The following NCALD variants were observed in gnomAD, a reference collection of about 807,000 sequenced individuals.
NCALD encodes neurocalcin-delta.
In NCALD, 10 loss-of-function variants were observed where a neutral mutation model predicts 18.6. The observed-to-expected ratio is 0.54, with a 90% confidence interval of 0.33 to 0.91. The LOEUF (loss-of-function observed/expected upper bound fraction) is 0.91, where lower values mean the gene tolerates loss of function less well. Ranked by LOEUF, NCALD falls within the 40% of genes least tolerant of loss-of-function variation. The pLI is 0.03. For synonymous variants in NCALD, 88 were observed against 87.4 expected, an observed-to-expected ratio of 1.01 and a Z score of -0.04; for missense variants, 184 against 247.6, an observed-to-expected ratio of 0.74 and a Z score of 1.72.
At position 102,005,064 on chromosome 8, in the gene NCALD, C is replaced by A. The variant is rs570865357; in HGVS notation, c.-157+15173G>T. On this transcript the variant is annotated intron_variant, in intron 2 of 6. Coordinates refer to the NCALD transcript ENST00000311028. Reference sequence around the variant, plus strand: ...TGAAACTAAAGAGCTTCTGCACAGCCAAAGAAATTACCATCAGAGTGAACA... The same window carrying A: ...TGAAACTAAAGAGCTTCTGCACAGCAAAAGAAATTACCATCAGAGTGAACA... 5.2e-3 allele frequency among the ~76,000 whole-genome samples: 785 copies of A among 152,094 alleles called. 11 individuals carry two copies. The highest frequency in any genetic ancestry group is 0.017 in the African/African-American group (718 of 41,482).
At chr8:102,081,930 G>A (rs986115961) in intron 1 of NCALD, among the ~76,000 whole-genome samples, 1 of 152,148 alleles carries the variant, frequency 6.6e-6, no homozygotes, top group Non-Finnish European at 1.5e-5. Flanking sequence ...TGGTGCATTA[G>A]AGTGGCCCCA....
At chr8:102,124,357 G>C (rs1826046301), upstream of NCALD, 1 of 151,580 alleles carries the variant, frequency 6.6e-6, no homozygotes, top group Non-Finnish European at 1.5e-5. Flanking sequence ...CCCCTCCCCA[G>C]CCTGGCTCGC....
In NCALD at chr8:101,999,971, G is replaced by A. The variant is rs181408221; in HGVS notation, c.-157+20266C>T. 9.6e-4 allele frequency among the ~76,000 whole-genome samples: 146 copies of A among 152,264 alleles called. 1 individual carries two copies. Among genetic ancestry groups the A allele is most frequent in the Non-Finnish European group, 1.5e-3 (100 of 68,024 alleles). On this transcript the variant is annotated intron_variant, in intron 2 of 6. Transcript: ENST00000311028. ...TCCCTGCATGAGCGACGCAGAAGAC[G>A]AACGATTTCTGCAGTTCCAACTGAG... is the stretch of plus-strand genomic sequence containing the variant.
At chr8:101,697,788 T>C (rs1815070412) in intron 2 of NCALD, among the ~76,000 whole-genome samples, 2 of 152,140 alleles carry the variant, frequency 1.3e-5, no homozygotes, top group Admixed American at 1.3e-4. Flanking sequence ...ATGGAACATA[T>C]CTTAAAATAA....
At chr8:101,794,399 C>G (rs751325385), upstream of NCALD, among the ~76,000 whole-genome samples, 86 of 152,084 alleles carry the variant, frequency 5.7e-4, no homozygotes, top group Non-Finnish European at 1.0e-3. Context: ...GAGAGCCTCT[C>G]TCCAACCCCC....
chr8:101,897,551 A>T (rs572072625), intron 3 of NCALD, among the ~76,000 whole-genome samples: 2 of 152,188 alleles, frequency 1.3e-5, no homozygotes, highest in East Asian at 3.9e-4. Context: ...TTGCTTAACC[A>T]CTCACCTATT....
intron 1 of NCALD, among the ~76,000 whole-genome samples, chr8:101,743,358 A>C (rs764392794): frequency 1.4e-4 from 22 of 152,208 alleles, no homozygotes; most frequent in Non-Finnish European, 2.9e-4. Flanking sequence ...TTTATACAAA[A>C]GTTGTGATAT....
intron 2 of NCALD, among the ~76,000 whole-genome samples, chr8:102,017,086 T>A (rs1822108269): frequency 6.6e-6 from 1 of 152,052 alleles, no homozygotes; most frequent in Admixed American, 6.6e-5. Context: ...AGAGAAAGAA[T>A]TTTTTTAACA....
chr8:101,693,054 T>A, intron 2 of NCALD, 158 bp from the exon 3 acceptor site: 1 of 545,028 alleles, frequency 1.8e-6, no homozygotes, highest in Non-Finnish European at 3.3e-6. Flanking sequence ...GAGGCACAGG[T>A]AGAAGAAGCC....
At chr8:101,871,620 A>G (rs537594188) in intron 4 of NCALD, among the ~76,000 whole-genome samples, 27 of 150,136 alleles carry the variant, frequency 1.8e-4, no homozygotes, top group African/African-American at 6.2e-4. Context: ...GCTGGTTTTA[A>G]TTTTTTTAGA....
At chr8:102,001,288 C>G (rs533175716) in intron 2 of NCALD, among the ~76,000 whole-genome samples, 12 of 151,946 alleles carry the variant, frequency 7.9e-5, no homozygotes, top group African/African-American at 1.7e-4. Flanking sequence ...GATGGAAGAT[C>G]AAATGAATGA....
intron 2 of NCALD, among the ~76,000 whole-genome samples, chr8:102,004,244 G>C (rs1041312728): frequency 2.6e-5 from 4 of 152,204 alleles, no homozygotes; most frequent in South Asian, 2.1e-4. Context: ...AACAGACAAA[G>C]AGAGAGCCAA....
In NCALD at chr8:101,687,465, T is replaced by C. The variant is rs1046425856; in HGVS notation, c.*1844A>G. The C allele has an allele frequency of 6.6e-6, 1 of 152,638 alleles. No homozygotes were observed. Among genetic ancestry groups the C allele is most frequent in the Non-Finnish European group, 1.5e-5 (1 of 68,040 alleles). 9.5% of individuals were successfully genotyped at this position (152,638 alleles called of 1,614,324 possible). A position where few individuals can be genotyped will look rare whatever the true frequency, so the allele number is the denominator to read the frequency against. On this transcript the variant is annotated 3_prime_UTR_variant, in exon 4 of 4. Coordinates refer to ENST00000220931, the MANE Select transcript of NCALD (RefSeq NM_032041.3). ...ACCCCTGGAGGAAGACTAGGATTATTTTTACAGAGTCTAGGTCTCAAAATT... is the reference window on the plus strand; with the variant it reads ...ACCCCTGGAGGAAGACTAGGATTATCTTTACAGAGTCTAGGTCTCAAAATT...
At chr8:102,002,575 T>C (rs1563529719) in intron 2 of NCALD, among the ~76,000 whole-genome samples, 1 of 152,138 alleles carries the variant, frequency 6.6e-6, no homozygotes, top group Non-Finnish European at 1.5e-5. Flanking sequence ...AGAATATACA[T>C]TTTTTTCAGC....
intron 2 of NCALD, among the ~76,000 whole-genome samples, chr8:101,968,981 G>A (rs1375096000): frequency 6.6e-6 from 1 of 152,164 alleles, no homozygotes; most frequent in Admixed American, 6.5e-5. Flanking sequence ...TGAATGAATT[G>A]TGATTGGATT....
chr8:102,042,199 G>A (rs1032550334), intron 1 of NCALD, among the ~76,000 whole-genome samples: 17 of 151,962 alleles, frequency 1.1e-4, no homozygotes, highest in Admixed American at 6.5e-4. Flanking sequence ...GAATTTCAAA[G>A]TTAATGAACA....
At chr8:101,918,932 C>T (rs749994744) in intron 2 of NCALD, among the ~76,000 whole-genome samples, 6 of 152,094 alleles carry the variant, frequency 3.9e-5, no homozygotes, top group Non-Finnish European at 7.4e-5. Flanking sequence ...CCATATTACC[C>T]GAAGCAATCT....
chr8:101,846,906 C>T (rs913523490), intron 4 of NCALD, among the ~76,000 whole-genome samples: 1 of 152,170 alleles, frequency 6.6e-6, no homozygotes, highest in Non-Finnish European at 1.5e-5. Context: ...GTGGACATTT[C>T]CCATTCCAGC....
intron 2 of NCALD, among the ~76,000 whole-genome samples, chr8:101,946,522 C>T (rs117151675): frequency 0.018 from 2,754 of 152,088 alleles, 36 homozygotes; most frequent in Middle Eastern, 0.041. Flanking sequence ...CTTTTTATAA[C>T]ATGTCAGAAC....
Sources: allele counts gnomAD v4.1 joint callset (sites outside exome capture counted in the v4.1 genomes callset), GRCh38; gene constraint gnomAD v4.1.1; transcripts MANE v1.5; gene names NCBI Gene and HGNC (gene_info 2026-07-23, HGNC 2026-07-21).